ST7: variants seen among roughly 807,000 people sequenced by gnomAD.
ST7 encodes the protein suppressor of tumorigenicity 7 protein.
ST7 carries 28 observed loss-of-function variants against 78.7 expected under a neutral mutation model. The ratio of observed to expected loss-of-function variants is 0.36; its 90% confidence interval spans 0.26 to 0.49. The LOEUF (loss-of-function observed/expected upper bound fraction) is 0.49. ST7 is among the 20% of genes least tolerant of loss of function. The pLI is 0.99. For synonymous variants in ST7, 247 were observed against 249.6 expected (o/e 0.99, Z 0.10); for missense variants, 418 against 696.0 (o/e 0.60, Z 4.49).
Position 116,953,557 on chromosome 7 carries a change from C to T in ST7, c.17C>T (p.Thr6Met), listed in dbSNP as rs144972398. Reference sequence around the variant, plus strand: ...CGCTGAAACATGGCTGAAGCGGCCACGGGCTTTCTGGAGCAGCTCAAGTCC... The same window carrying T: ...CGCTGAAACATGGCTGAAGCGGCCATGGGCTTTCTGGAGCAGCTCAAGTCC... MAEAA[T>M]GFLEQLKSCI... The change falls in exon 1 of 16, where the codon ACG (threonine) becomes ATG (methionine). Residue 6 changes from threonine to methionine, a missense_variant. Transcript: ENST00000323984. 1.4e-6 allele frequency: 2 copies of T among 1,440,274 alleles called. No homozygotes were observed. The highest frequency in any genetic ancestry group is 9.3e-7 in the Non-Finnish European group (1 of 1,076,604). The allele number at this position is 1,440,274 out of a possible 1,614,324, so 89.2% of individuals were successfully genotyped here.
At position 117,190,136 on chromosome 7, in the gene ST7, G is replaced by A. The variant is rs1467104709; in HGVS notation, c.1152-698G>A. The A allele has an allele frequency of 1.3e-4, 21 of 166,996 alleles. No homozygotes were observed. The highest frequency in any genetic ancestry group is 1.5e-5 in the Non-Finnish European group (1 of 68,188). The allele number at this position is 166,996 out of a possible 1,614,324, so 10.3% of individuals were successfully genotyped here. Reference sequence around the variant, plus strand: ...TTCATTCTTTTTTATCCTGTAGATCGCCAGTACCTACTGCAACATCTTTTC... The same window carrying A: ...TTCATTCTTTTTTATCCTGTAGATCACCAGTACCTACTGCAACATCTTTTC... On this transcript the variant is annotated intron_variant, in intron 11 of 15. Coordinates refer to ENST00000323984, the MANE Select transcript of ST7 (RefSeq NM_001369598.1). The surrounding 1 kb of genome is among the most constrained non-coding windows in gnomAD (Gnocchi z 5.2).
At chr7:117,028,020 G>T (rs1796296723) in intron 1 of ST7, among the ~76,000 whole-genome samples, 1 of 152,082 alleles carries the variant, frequency 6.6e-6, no homozygotes, top group Non-Finnish European at 1.5e-5. Context: ...CACACATAAT[G>T]GGTACATGTC....
intron 1 of ST7, among the ~76,000 whole-genome samples, chr7:117,097,908 A>ATATATATATATATATATATT: frequency 2.7e-4 from 8 of 30,006 alleles, no homozygotes; most frequent in South Asian, 1.9e-3. Flanking sequence ...ATATATATAT[A>ATATATATATATATATATATT]TTTTTTTTTT....
intron 1 of ST7, among the ~76,000 whole-genome samples, chr7:117,069,594 T>G (rs1798820348): frequency 6.6e-6 from 1 of 152,246 alleles, no homozygotes; most frequent in Admixed American, 6.5e-5. Flanking sequence ...TTTGTGTTCC[T>G]TTGGTTGATT....
intron 3 of ST7, among the ~76,000 whole-genome samples, chr7:117,123,734 A>AT (rs1217381537): frequency 6.6e-6 from 1 of 152,168 alleles, no homozygotes; most frequent in Non-Finnish European, 1.5e-5. Flanking sequence ...ATTTGAGTTT[A>AT]TAGGAACATC....
chr7:117,132,610 G>C (rs1409512140), intron 6 of ST7, among the ~76,000 whole-genome samples: 1 of 151,296 alleles, frequency 6.6e-6, no homozygotes, highest in Admixed American at 6.6e-5. Flanking sequence ...TCCTTGCCAA[G>C]TGGTCATTGT....
At chr7:117,013,313 C>T (rs1423294109) in intron 1 of ST7, among the ~76,000 whole-genome samples, 1 of 152,160 alleles carries the variant, frequency 6.6e-6, no homozygotes, top group Non-Finnish European at 1.5e-5. Context: ...CAAATTGTTA[C>T]AACTTGTGGA....
At chr7:117,180,486 T>C (rs575717177) in intron 10 of ST7, among the ~76,000 whole-genome samples, 2 of 152,230 alleles carry the variant, frequency 1.3e-5, no homozygotes, top group East Asian at 3.9e-4. Context: ...AATAATACCA[T>C]GGATTTAATT....
intron 1 of ST7, among the ~76,000 whole-genome samples, chr7:116,988,486 G>A (rs1794280074): frequency 6.6e-6 from 1 of 152,100 alleles, no homozygotes; most frequent in African/African-American, 2.4e-5. Flanking sequence ...GTTATATACA[G>A]ATTTCATAGT....
intron 14 of ST7, among the ~76,000 whole-genome samples, chr7:117,220,179 A>G (rs1212632624): frequency 2.0e-5 from 3 of 152,204 alleles, no homozygotes; most frequent in Non-Finnish European, 4.4e-5. Flanking sequence ...CAAGCCAGTC[A>G]TGAATCTCCA....
At position 117,131,160 on chromosome 7, in the gene ST7, A is replaced by G. The variant is rs532869030; in HGVS notation, c.565+554A>G. ...ACTGAAATTTTTTGTTATAAAATTT[A>G]TTCAAAGTAAATAGGTGAAAAAATG... On this transcript the variant is annotated intron_variant, in intron 5 of 15. Transcript: ENST00000323984. Among the ~76,000 whole-genome samples, 3 of 151,964 alleles carry G rather than the reference A, an allele frequency of 2.0e-5. No homozygotes were observed. The South Asian group carries it at 6.2e-4, about 32-fold the overall frequency.
chr7:117,176,369 T>C (rs1584520694), intron 10 of ST7, among the ~76,000 whole-genome samples: 1 of 152,170 alleles, frequency 6.6e-6, no homozygotes, highest in East Asian at 1.9e-4. Context: ...TTGCAGAGGG[T>C]ATACTTTTTA....
intron 15 of ST7, among the ~76,000 whole-genome samples, chr7:117,222,488 G>A (rs1351400897): frequency 6.6e-6 from 1 of 152,102 alleles, no homozygotes; most frequent in Non-Finnish European, 1.5e-5. Flanking sequence ...TTTTTTAATG[G>A]CTGCAAACCC....
intron 1 of ST7, among the ~76,000 whole-genome samples, chr7:117,022,325 A>G (rs1283532366): frequency 6.6e-6 from 1 of 152,178 alleles, no homozygotes; most frequent in Non-Finnish European, 1.5e-5. Flanking sequence ...TTATAGGTAG[A>G]TTCGTACTGT....
chr7:117,016,372 T>C (rs1381823089), intron 1 of ST7, among the ~76,000 whole-genome samples: 1 of 152,306 alleles, frequency 6.6e-6, no homozygotes, highest in East Asian at 1.9e-4. Context: ...ATTTGTAAAA[T>C]CCTACCACAG....
intron 8 of ST7, chr7:117,137,138 T>C (rs1347484454): frequency 6.6e-6 from 1 of 152,108 alleles, no homozygotes; most frequent in Non-Finnish European, 1.5e-5. Flanking sequence ...TCCTTCATAT[T>C]TGAGATTATA....
intron 12 of ST7, among the ~76,000 whole-genome samples, chr7:117,192,558 A>G (rs1303571666): frequency 6.6e-6 from 1 of 152,204 alleles, no homozygotes; most frequent in Non-Finnish European, 1.5e-5. Flanking sequence ...AAGATTTTTG[A>G]TGATTTTAAT....
chr7:117,097,904 A>ATTTTTTTTTTT (rs1171743827), intron 1 of ST7, among the ~76,000 whole-genome samples: 1 of 33,698 alleles, frequency 3.0e-5, no homozygotes, highest in African/African-American at 9.7e-5. Context: ...ATATATATAT[A>ATTTTTTTTTTT]TATATTTTTT....
intron 10 of ST7, among the ~76,000 whole-genome samples, chr7:117,172,456 A>G (rs537566830): frequency 1.3e-5 from 2 of 152,372 alleles, no homozygotes; most frequent in East Asian, 3.9e-4. Flanking sequence ...ACCCTGTGTA[A>G]CAAGATATAT....
Sources: allele counts gnomAD v4.1 joint callset (sites outside exome capture counted in the v4.1 genomes callset), GRCh38; gene constraint gnomAD v4.1.1; non-coding constraint Gnocchi (gnomAD v3.1); transcripts MANE v1.5; gene names NCBI Gene and HGNC (gene_info 2026-07-23, HGNC 2026-07-21).